Variants in PLD5 observed in about 807,000 individuals in gnomAD.
PLD5 encodes inactive phospholipase D5.
Under a neutral mutation model 61.1 loss-of-function variants are expected in PLD5, and 36 were observed. The ratio of observed to expected loss-of-function variants is 0.59; its 90% CI spans 0.45 to 0.78. The LOEUF (loss-of-function observed/expected upper bound fraction) is 0.78. Ranked by LOEUF, PLD5 falls within the 30% of genes least tolerant of loss-of-function variation. The pLI is 0.00. For synonymous variants in PLD5, 243 were observed against 242.8 expected (o/e 1.00, Z -0.01); for missense variants, 515 against 644.4 (o/e 0.80, Z 2.17).
At chr1:242,251,095 T>C (rs576783372) in intron 4 of PLD5, among the ~76,000 whole-genome samples, 3 of 152,284 alleles carry the variant, frequency 2.0e-5, no homozygotes, top group African/African-American at 7.2e-5. Context: ...ATCCATTTCA[T>C]TTTGGATACA....
intron 4 of PLD5, among the ~76,000 whole-genome samples, chr1:242,233,594 G>A (rs542176500): frequency 3.3e-5 from 5 of 152,202 alleles, no homozygotes; most frequent in South Asian, 2.1e-4. Flanking sequence ...GAGGGCTGGC[G>A]GCAGGCATGC....
chr1:242,198,296 G>C (rs1365966627), intron 5 of PLD5, among the ~76,000 whole-genome samples: 1 of 152,100 alleles, frequency 6.6e-6, no homozygotes, highest in Non-Finnish European at 1.5e-5. Flanking sequence ...TTTAAATTTG[G>C]AAGTAAAAAT....
At chr1:242,119,069 A>G (rs116668620) in intron 6 of PLD5, among the ~76,000 whole-genome samples, 9 of 152,178 alleles carry the variant, frequency 5.9e-5, no homozygotes, top group Non-Finnish European at 1.3e-4. Flanking sequence ...ATCCTCTTCA[A>G]TATTCCAGCT....
At chr1:242,149,885 G>C (rs759008059) in intron 5 of PLD5, among the ~76,000 whole-genome samples, 1 of 151,408 alleles carries the variant, frequency 6.6e-6, no homozygotes, top group Non-Finnish European at 1.5e-5. Flanking sequence ...GGTCAGTCTG[G>C]CTATATGTTT....
chr1:242,392,900 T>C (rs1214721274), intron 1 of PLD5, among the ~76,000 whole-genome samples: 1 of 152,154 alleles, frequency 6.6e-6, no homozygotes, highest in Non-Finnish European at 1.5e-5. Context: ...ATGTACAAAG[T>C]AAGCAATAAA....
chr1:242,120,988 CTT>C (rs1182977724), intron 6 of PLD5, among the ~76,000 whole-genome samples: 3 of 152,148 alleles, frequency 2.0e-5, no homozygotes, highest in African/African-American at 7.2e-5. Flanking sequence ...TAAAATCTAA[CTT>C]TGAGAATGGT....
chr1:242,500,580 C>T (rs564377622), intron 1 of PLD5, among the ~76,000 whole-genome samples: 42 of 152,098 alleles, frequency 2.8e-4, no homozygotes, highest in Non-Finnish European at 5.4e-4. Context: ...AAAGATGTGA[C>T]GGTTGGTACA....
chr1:242,449,082 T>G (rs1461652188), intron 1 of PLD5, among the ~76,000 whole-genome samples: 1 of 152,176 alleles, frequency 6.6e-6, no homozygotes, highest in Non-Finnish European at 1.5e-5. Flanking sequence ...ACATCTGAGG[T>G]CACCGTAGGA....
At chr1:242,242,182 G>C (rs1357049760) in intron 4 of PLD5, among the ~76,000 whole-genome samples, 5 of 151,984 alleles carry the variant, frequency 3.3e-5, no homozygotes, top group Admixed American at 3.3e-4. Context: ...TGTTAAAAGA[G>C]TGAACGAGTT....
At chr1:242,456,114 T>C (rs1235121071) in intron 1 of PLD5, among the ~76,000 whole-genome samples, 2 of 152,096 alleles carry the variant, frequency 1.3e-5, no homozygotes, top group African/African-American at 4.8e-5. Context: ...GTACATGGAA[T>C]TTTCTCCTGA....
At chr1:242,368,752 G>A (rs1289331994) in intron 1 of PLD5, among the ~76,000 whole-genome samples, 1 of 152,204 alleles carries the variant, frequency 6.6e-6, no homozygotes, top group Non-Finnish European at 1.5e-5. Flanking sequence ...CGCCAGGTAG[G>A]ACTTTTCCAT....
At chr1:242,407,626 C>T (rs1313447824) in intron 1 of PLD5, among the ~76,000 whole-genome samples, 1 of 149,102 alleles carries the variant, frequency 6.7e-6, no homozygotes, top group East Asian at 2.0e-4. Context: ...GTCACCCAGA[C>T]TGGAGTGCAG....
At chr1:242,423,995 C>A (rs1420093630) in intron 1 of PLD5, among the ~76,000 whole-genome samples, 1 of 82,248 alleles carries the variant, frequency 1.2e-5, no homozygotes, top group Non-Finnish European at 2.4e-5. Flanking sequence ...AAACTCCTCA[C>A]AACGTTTCTT....
chr1:242,342,401 T>C (rs1574765000), intron 2 of PLD5, among the ~76,000 whole-genome samples: 1 of 152,182 alleles, frequency 6.6e-6, no homozygotes, highest in Admixed American at 6.5e-5. Flanking sequence ...CACCTGGAGC[T>C]CAGCTCCAAT....
chr1:242,437,790 T>C (rs1488518480), intron 1 of PLD5, among the ~76,000 whole-genome samples: 1 of 152,216 alleles, frequency 6.6e-6, no homozygotes, highest in African/African-American at 2.4e-5. Context: ...TTAATTCTCA[T>C]GTCACCCTTT....
intron 1 of PLD5, among the ~76,000 whole-genome samples, chr1:242,445,726 A>T (rs1352764685): frequency 6.8e-6 from 1 of 147,648 alleles, no homozygotes; most frequent in Non-Finnish European, 1.5e-5. Flanking sequence ...ATGCCAGGTA[A>T]TGTAAGAATT....
At chr1:242,525,431 TTC>T (rs1350527930), upstream of PLD5, among the ~76,000 whole-genome samples, 3 of 152,224 alleles carry the variant, frequency 2.0e-5, no homozygotes, top group Admixed American at 2.0e-4. Context: ...TTTGTTTCTT[TTC>T]TCTGTTTCTA....
At chr1:242,489,553 T>C (rs1668073732) in intron 1 of PLD5, among the ~76,000 whole-genome samples, 1 of 152,102 alleles carries the variant, frequency 6.6e-6, no homozygotes, top group South Asian at 2.1e-4. Flanking sequence ...CTTCAGGAAA[T>C]GGATTTGCAG....
At chr1:242,310,798 A>G (rs889012626) in intron 2 of PLD5, among the ~76,000 whole-genome samples, 5 of 152,184 alleles carry the variant, frequency 3.3e-5, no homozygotes, top group African/African-American at 1.2e-4. Flanking sequence ...AGTTACTTTA[A>G]TCCCTAGTTA....
Sources: allele counts gnomAD v4.1 joint callset (sites outside exome capture counted in the v4.1 genomes callset), GRCh38; gene constraint gnomAD v4.1.1; transcripts MANE v1.5; gene names NCBI Gene and HGNC (gene_info 2026-07-23, HGNC 2026-07-21).